LRRC53: variants seen among roughly 807,000 people sequenced by gnomAD.
LRRC53 encodes leucine-rich repeat-containing protein 53.
In LRRC53, 25 loss-of-function variants were observed where a neutral mutation model predicts 13.6. The observed-to-expected ratio is 1.83, with a 90% confidence interval of 1.34 to 2.56. LRRC53 has a LOEUF of 2.56. Ranked by LOEUF, LRRC53 falls within the 30% of genes most tolerant of loss-of-function variation. LRRC53 has a pLI of 0.00. For missense variants in LRRC53, 527 were observed against 275.8 expected, an observed-to-expected ratio of 1.91 and a Z score of -6.45; for synonymous variants, 204 against 109.8, an observed-to-expected ratio of 1.86 and a Z score of -5.37.
the LRRC53 span, among the ~76,000 whole-genome samples, chr1:74,535,719 G>A: frequency 2.6e-5 from 4 of 152,138 alleles, no homozygotes; most frequent in African/African-American, 7.2e-5. Flanking sequence ...TATTGTTGAT[G>A]TCTAAGGTTC....
the LRRC53 span, among the ~76,000 whole-genome samples, chr1:74,518,844 T>TAAAAGTGTA: frequency 3.6e-5 from 5 of 139,994 alleles, no homozygotes; most frequent in African/African-American, 1.5e-4. Flanking sequence ...TACCTTACTT[T>TAAAAGTGTA]ATTTTTTATT....
intron 1 of LRRC53, among the ~76,000 whole-genome samples, chr1:74,505,504 C>T (rs1422799019): frequency 1.3e-5 from 2 of 152,158 alleles, no homozygotes; most frequent in South Asian, 2.1e-4. Flanking sequence ...TCTGAAGCAG[C>T]TCTTACAATG....
intron 1 of LRRC53, among the ~76,000 whole-genome samples, chr1:74,507,694 A>T (rs1356778128): frequency 6.6e-6 from 1 of 152,200 alleles, no homozygotes; most frequent in East Asian, 1.9e-4. Flanking sequence ...GCACAGTTCT[A>T]TGGTGAGAAT....
the LRRC53 span, among the ~76,000 whole-genome samples, chr1:74,521,077 G>A: frequency 1.3e-5 from 2 of 152,118 alleles, no homozygotes; most frequent in Non-Finnish European, 2.9e-5. Context: ...TCTCCTTTGG[G>A]CAACAGCTTC....
chr1:74,476,084 A>C (rs1668192316), intron 3 of LRRC53, among the ~76,000 whole-genome samples: 1 of 152,126 alleles, frequency 6.6e-6, no homozygotes, highest in African/African-American at 2.4e-5. Flanking sequence ...TCATGAACTG[A>C]AACTCATTTA....
At chr1:74,535,618 C>A in the LRRC53 span, among the ~76,000 whole-genome samples, 1 of 152,204 alleles carries the variant, frequency 6.6e-6, no homozygotes, top group African/African-American at 2.4e-5. Flanking sequence ...AGCTTACAGA[C>A]TTCCAGGGAT....
At position 74,471,947 on chromosome 1, in the gene LRRC53, T is replaced by C. The variant is rs778970515; in HGVS notation, c.1675A>G (p.Lys559Glu). The C allele has an allele frequency of 5.2e-6, 3 of 577,800 alleles. No individual in the cohort carries two copies. The African/African-American group carries it at 5.7e-5, about 11-fold the overall frequency. The allele number at this position is 577,800 out of a possible 1,614,324, so 35.8% of individuals were successfully genotyped here. Residue 559 changes from lysine to glutamate, a missense_variant, in exon 5 of 5, where the codon AAA becomes GAA. Transcript: ENST00000294635. ...TGAAAATACCTAGGTTTGCTCTGTTTTAACAGTCCACAAGGATCATCATAT... is the reference window on the plus strand; with the variant it reads ...TGAAAATACCTAGGTTTGCTCTGTTCTAACAGTCCACAAGGATCATCATAT... ...SKYDDPCGLL[K>E]QSKPRYFQPN...
At chr1:74,525,591 T>C in the LRRC53 span, among the ~76,000 whole-genome samples, 1 of 152,200 alleles carries the variant, frequency 6.6e-6, no homozygotes, top group Non-Finnish European at 1.5e-5. Flanking sequence ...TGTGCCCAAA[T>C]GCCAAGGCTA....
chr1:74,536,880 A>G, the LRRC53 span, among the ~76,000 whole-genome samples: 1 of 152,166 alleles, frequency 6.6e-6, no homozygotes, highest in South Asian at 2.1e-4. Flanking sequence ...CCACAATTTC[A>G]GCAAATAGAG....
At chr1:74,500,186 CTTCATCAAGATTTT>C (rs1391389926) in intron 1 of LRRC53, among the ~76,000 whole-genome samples, 1 of 151,872 alleles carries the variant, frequency 6.6e-6, no homozygotes, top group East Asian at 1.9e-4. Flanking sequence ...AGTATTTTAT[CTTCATCAAGATTTT>C]ATAAATTCCA....
At position 74,500,467 on chromosome 1, in the gene LRRC53, A is replaced by G. The variant is rs181993134; in HGVS notation, c.-27+12059T>C. ...AAATACAAAAAAATTAGCCGGGCGT[A>G]GTGGCGGGCGCCTGTAGTCCCAGCT... On this transcript the variant is annotated intron_variant, in intron 1 of 4. Transcript: ENST00000294635. Among the ~76,000 whole-genome samples the G allele has an allele frequency of 4.6e-3, 691 of 150,782 alleles. 4 individuals are homozygous for G. Among genetic ancestry groups the G allele is most frequent in the African/African-American group, 0.016 (667 of 41,366 alleles).
chr1:74,474,814 G>A (rs1668110155), intron 4 of LRRC53, among the ~76,000 whole-genome samples: 1 of 151,974 alleles, frequency 6.6e-6, no homozygotes, highest in African/African-American at 2.4e-5. Context: ...AGCTCAGCAA[G>A]CAAAGTACGT....
the LRRC53 span, among the ~76,000 whole-genome samples, chr1:74,530,439 TG>T: frequency 6.6e-6 from 1 of 152,184 alleles, no homozygotes; most frequent in Non-Finnish European, 1.5e-5. Flanking sequence ...GGGCAAATTT[TG>T]TAAGTTTTGT....
the LRRC53 span, among the ~76,000 whole-genome samples, chr1:74,522,159 T>G: frequency 2.0e-5 from 3 of 152,144 alleles, no homozygotes; most frequent in Non-Finnish European, 4.4e-5. Context: ...AAACTTAATA[T>G]AGCAGGTGAA....
chr1:74,520,945 G>A, the LRRC53 span, among the ~76,000 whole-genome samples: 19 of 152,238 alleles, frequency 1.2e-4, no homozygotes, highest in East Asian at 3.5e-3. Context: ...GAGCAGAGGT[G>A]AAGGGAAGAT....
At chr1:74,490,708 G>A (rs993965961) in intron 1 of LRRC53, among the ~76,000 whole-genome samples, 2 of 152,130 alleles carry the variant, frequency 1.3e-5, no homozygotes, top group Admixed American at 6.5e-5. Context: ...TTCAGTCAAC[G>A]GTTTAGATCA....
intron 1 of LRRC53, among the ~76,000 whole-genome samples, chr1:74,505,508 T>TA (rs1263608173): frequency 7.2e-5 from 11 of 152,342 alleles, no homozygotes; most frequent in Admixed American, 3.9e-4. Context: ...AAGCAGCTCT[T>TA]ACAATGGCTC....
At chr1:74,529,802 C>G in the LRRC53 span, among the ~76,000 whole-genome samples, 1 of 152,162 alleles carries the variant, frequency 6.6e-6, no homozygotes, top group East Asian at 1.9e-4. Flanking sequence ...TTCACTTCAG[C>G]CATTTGATTC....
At chr1:74,477,464 T>C (rs1668261831) in intron 3 of LRRC53, among the ~76,000 whole-genome samples, 1 of 152,160 alleles carries the variant, frequency 6.6e-6, no homozygotes, top group African/African-American at 2.4e-5. Context: ...AAGACTCACC[T>C]GTCAGGAACA....
Sources: gnomAD v4.1 joint callset for allele counts (sites outside exome capture counted in the v4.1 genomes callset) on GRCh38, gnomAD v4.1.1 for gene constraint, MANE v1.5 for transcripts, NCBI Gene and HGNC (gene_info 2026-07-23, HGNC 2026-07-21) for gene names.